Variants in PDE10A observed in about 807,000 individuals in gnomAD.
PDE10A encodes the protein cAMP and cAMP-inhibited cGMP 3',5'-cyclic phosphodiesterase 10A.
A neutral mutation model predicts 97.7 loss-of-function variants in PDE10A; 39 were observed. That is an observed-to-expected ratio of 0.40 (90% CI 0.31 to 0.52). PDE10A has a LOEUF of 0.52. PDE10A is among the 20% of genes least tolerant of loss of function. The probability of loss-of-function intolerance (pLI) is 0.56; values close to 1 mark genes in which losing one functional copy is unlikely to be tolerated. For missense variants in PDE10A, 731 were observed against 1,047.8 expected, an observed-to-expected ratio of 0.70 and a Z score of 4.17; for synonymous variants, 371 against 376.8, an observed-to-expected ratio of 0.98 and a Z score of 0.18.
At chr6:165,649,245 T>C (rs1379641167) in intron 1 of PDE10A, among the ~76,000 whole-genome samples, 1 of 151,882 alleles carries the variant, frequency 6.6e-6, no homozygotes, top group Non-Finnish European at 1.5e-5. Flanking sequence ...GCAGCTAAAA[T>C]AAAACCAAGC....
At chr6:165,659,428 T>C (rs568970333) in intron 1 of PDE10A, among the ~76,000 whole-genome samples, 43 of 152,358 alleles carry the variant, frequency 2.8e-4, no homozygotes, top group African/African-American at 9.1e-4. Flanking sequence ...TTCAGTACTT[T>C]AGCAATTCAG....
At position 165,896,585 on chromosome 6, in the gene PDE10A, C is replaced by T. The variant is rs569641819; in HGVS notation, c.-615+90944G>A. On this transcript the variant is annotated intron_variant, in intron 1 of 19. Transcript: ENST00000366882. ...TGTCGCCCAGGCTGGAGTACAGTGG[C>T]GCAATCTCGGCTCACTGCAAGCTCC... Among the ~76,000 whole-genome samples the T allele has an allele frequency of 2.9e-3, 410 of 142,008 alleles. 1 individual carries two copies. The highest frequency in any genetic ancestry group is 5.1e-3 in the Non-Finnish European group (339 of 66,794). 93.2% of individuals were successfully genotyped at this position (142,008 alleles called of 152,430 possible).
chr6:165,584,624 G>A (rs1785804561), intron 1 of PDE10A, among the ~76,000 whole-genome samples: 1 of 152,144 alleles, frequency 6.6e-6, no homozygotes, highest in Non-Finnish European at 1.5e-5. Context: ...TTGGCCCCTT[G>A]TCCTAATCAA....
chr6:165,651,329 T>A (rs1377185117), intron 1 of PDE10A, among the ~76,000 whole-genome samples: 2 of 152,258 alleles, frequency 1.3e-5, no homozygotes, highest in Non-Finnish European at 2.9e-5. Context: ...GACTATTTTT[T>A]ATCAGGCTGT....
At chr6:165,370,348 G>C (rs1784143514) in intron 18 of PDE10A, among the ~76,000 whole-genome samples, 1 of 147,162 alleles carries the variant, frequency 6.8e-6, no homozygotes, top group Non-Finnish European at 1.5e-5. Context: ...CACGTGCAGA[G>C]ACACACATAG....
intron 1 of PDE10A, among the ~76,000 whole-genome samples, chr6:165,843,777 AC>A (rs1780327253): frequency 6.6e-6 from 1 of 152,172 alleles, no homozygotes; most frequent in South Asian, 2.1e-4. Flanking sequence ...ATAAACCCAT[AC>A]TAGAGAGGGA....
intron 1 of PDE10A, among the ~76,000 whole-genome samples, chr6:165,812,659 A>T (rs1190876832): frequency 3.9e-5 from 6 of 152,218 alleles, no homozygotes. Flanking sequence ...TATAAGTTAG[A>T]CATCTAAAAT....
chr6:165,478,344 C>T (rs541462163), intron 3 of PDE10A, among the ~76,000 whole-genome samples: 2 of 152,290 alleles, frequency 1.3e-5, no homozygotes, highest in East Asian at 3.9e-4. Flanking sequence ...GACTGAAAGA[C>T]TGTCCTCTTA....
intron 2 of PDE10A, among the ~76,000 whole-genome samples, chr6:165,529,265 G>A (rs937406631): frequency 8.5e-5 from 13 of 152,216 alleles, no homozygotes; most frequent in African/African-American, 3.1e-4. Flanking sequence ...CGAAGGTAAG[G>A]AAGAGTATGC....
rs185695803 is a variant in PDE10A, at chr6:165,808,080, G to A, written c.-615+179449C>T. On this transcript the variant is annotated intron_variant, in intron 1 of 19. Coordinates refer to the PDE10A transcript ENST00000366882. ...GAATTTCTACGGCCTCACGTGCTCT[G>A]CTTCTGTTTTCTCTTTCTCCTCCTT... Among the ~76,000 whole-genome samples the A allele has an allele frequency of 8.9e-4, 136 of 152,238 alleles. 1 individual carries two copies. Among genetic ancestry groups the A allele is most frequent in the African/African-American group, 3.2e-3 (131 of 41,550 alleles).
chr6:165,839,799 C>CCAG (rs1780172078), intron 1 of PDE10A, among the ~76,000 whole-genome samples: 2 of 20,984 alleles, frequency 9.5e-5, no homozygotes, highest in Admixed American at 8.1e-4. Flanking sequence ...CATCCCCATC[C>CCAG]CCTTCTCCAG....
At chr6:165,838,623 G>T (rs766979900) in intron 1 of PDE10A, among the ~76,000 whole-genome samples, 1 of 152,180 alleles carries the variant, frequency 6.6e-6, no homozygotes, top group African/African-American at 2.4e-5. Flanking sequence ...GTTTTAATTT[G>T]GTAAGTATTT....
At chr6:165,537,310 G>C (rs1783148993) in intron 2 of PDE10A, among the ~76,000 whole-genome samples, 2 of 151,860 alleles carry the variant, frequency 1.3e-5, no homozygotes, top group Non-Finnish European at 2.9e-5. Flanking sequence ...GGTTAAGAGT[G>C]GTTGGTTAAC....
At chr6:165,652,219 C>T (rs1447353177) in intron 1 of PDE10A, among the ~76,000 whole-genome samples, 2 of 152,168 alleles carry the variant, frequency 1.3e-5, no homozygotes, top group African/African-American at 4.8e-5. Context: ...GTAATTAGCA[C>T]ATCCAAGAAG....
intron 1 of PDE10A, among the ~76,000 whole-genome samples, chr6:165,846,874 C>T (rs1013937867): frequency 2.0e-5 from 3 of 152,188 alleles, no homozygotes; most frequent in African/African-American, 7.2e-5. Context: ...GGGACTGCAG[C>T]TTCTCTCACG....
At chr6:165,827,267 G>A (rs908045221) in intron 1 of PDE10A, among the ~76,000 whole-genome samples, 36 of 152,200 alleles carry the variant, frequency 2.4e-4, no homozygotes, top group African/African-American at 8.0e-4. Flanking sequence ...CAGACCCCAC[G>A]CCCATTCGCG....
At chr6:165,842,361 T>C (rs1449348502) in intron 1 of PDE10A, among the ~76,000 whole-genome samples, 1 of 152,328 alleles carries the variant, frequency 6.6e-6, no homozygotes, top group South Asian at 2.1e-4. Flanking sequence ...AATGTACCCA[T>C]TAGAGTCCCT....
chr6:165,854,459 C>T (rs1414321282), intron 1 of PDE10A, among the ~76,000 whole-genome samples: 1 of 152,276 alleles, frequency 6.6e-6, no homozygotes, highest in African/African-American at 2.4e-5. Context: ...CTGCTGCGAG[C>T]CCCCAGGACG....
chr6:165,570,919 C>G (rs1369088649), intron 1 of PDE10A, among the ~76,000 whole-genome samples: 1 of 152,170 alleles, frequency 6.6e-6, no homozygotes, highest in African/African-American at 2.4e-5. Context: ...AATACATAAC[C>G]CTACTCTGTA....
Sources: gnomAD v4.1 joint callset for allele counts (sites outside exome capture counted in the v4.1 genomes callset) on GRCh38, gnomAD v4.1.1 for gene constraint, MANE v1.5 for transcripts, NCBI Gene and HGNC (gene_info 2026-07-23, HGNC 2026-07-21) for gene names.